SPG7: variants seen among roughly 807,000 people sequenced by gnomAD.
SPG7 encodes the protein mitochondrial inner membrane m-AAA protease component paraplegin.
SPG7 carries 103 observed loss-of-function variants against 81.9 expected under a neutral mutation model. The ratio of observed to expected loss-of-function variants is 1.26; its 90% CI spans 1.07 to 1.48. The LOEUF (loss-of-function observed/expected upper bound fraction) is 1.48. SPG7 is among the 40% of genes most tolerant of loss of function. The pLI, the probability that SPG7 is intolerant of heterozygous loss-of-function variation, is 0.00. For synonymous variants in SPG7, 534 were observed against 444.2 expected (o/e 1.20, Z -2.54); for missense variants, 1,241 against 1,087.3 (o/e 1.14, Z -1.99).
intron 3 of SPG7, chr16:89,517,751 C>T (rs1567900656): frequency 6.6e-6 from 1 of 151,784 alleles, no homozygotes; most frequent in Non-Finnish European, 1.5e-5. Flanking sequence ...TCCCGAGTAA[C>T]TGGGACTAAA....
chr16:89,554,461 C>T, intron 15 of SPG7, 25 bp from the exon 16 acceptor site: 1 of 1,578,168 alleles, frequency 6.3e-7, no homozygotes, highest in East Asian at 2.2e-5. Context: ...AGCCTTGCCC[C>T]TGACACAGTT....
chr16:89,554,030 A>G (rs935741905), intron 15 of SPG7, 70 bp downstream of exon 15: 8 of 1,558,738 alleles, frequency 5.1e-6, no homozygotes, highest in Middle Eastern at 2.3e-4. Flanking sequence ...TCTACCACAC[A>G]AGGGTCGCCC....
intron 3 of SPG7, chr16:89,520,893 T>C (rs1025283780): frequency 7.2e-5 from 11 of 152,194 alleles, no homozygotes; most frequent in African/African-American, 2.7e-4. Context: ...AGAAGTAGGA[T>C]TTTTGAATTA....
chr16:89,532,406 A>G (rs895576530), intron 8 of SPG7, 57 bp from the exon 9 acceptor site: 12 of 1,591,052 alleles, frequency 7.5e-6, no homozygotes, highest in Non-Finnish European at 1.0e-5. Context: ...CGGGTACAGG[A>G]AGAGGCTTTG....
chr16:89,547,370 T>C, intron 11 of SPG7: 1 of 178,726 alleles, frequency 5.6e-6, no homozygotes, highest in Admixed American at 5.4e-5. Flanking sequence ...CTAACTGCCC[T>C]TGGGAGGAGA....
At chr16:89,534,683 T>A (rs1262483254) in intron 9 of SPG7, among the ~76,000 whole-genome samples, 1 of 152,222 alleles carries the variant, frequency 6.6e-6, no homozygotes, top group Admixed American at 6.5e-5. Flanking sequence ...CACCTCTCAT[T>A]GCAAAATCAC....
intron 9 of SPG7, chr16:89,542,066 G>A (rs1320891497): frequency 2.6e-5 from 4 of 152,256 alleles, no homozygotes; most frequent in Non-Finnish European, 5.9e-5. Context: ...TGCCCCGCAG[G>A]GTGGCTGGGC....
intron 9 of SPG7, among the ~76,000 whole-genome samples, chr16:89,534,056 G>A (rs2058381240): frequency 6.6e-6 from 1 of 152,164 alleles, no homozygotes; most frequent in African/African-American, 2.4e-5. Flanking sequence ...TAATCATTCT[G>A]AAGTTCATTG....
At chr16:89,516,967 C>A (rs2152396469) in intron 3 of SPG7, 1 of 152,264 alleles carries the variant, frequency 6.6e-6, no homozygotes, top group East Asian at 1.9e-4. Flanking sequence ...CCTATTTATG[C>A]AGTGGAAGCG....
Position 89,524,238 on chromosome 16 carries a change from T to C in SPG7, c.609T>C (p.Phe203=). Residue 203 remains phenylalanine (F), a synonymous_variant, in exon 4 of 17, where the codon TTT becomes TTC. Coordinates refer to ENST00000645818, the MANE Select transcript of SPG7 (RefSeq NM_003119.4). ...ACCTGCACCCTGGAGCCGTGGTGTT[T>C]GGGCGGCCTGTGAGTGAGGGTGCGG... ...EVYLHPGAVV[F]GRPRLALMYR... The C allele has an allele frequency of 1.2e-6, 2 of 1,610,384 alleles. No homozygotes were observed. Among genetic ancestry groups the C allele is most frequent in the Non-Finnish European group, 1.7e-6 (2 of 1,178,326 alleles).
chr16:89,557,440 C>A lies in SPG7; in HGVS notation c.*347C>A. On this transcript the variant is annotated 3_prime_UTR_variant, in exon 17 of 17. Coordinates refer to ENST00000645818, the MANE Select transcript of SPG7 (RefSeq NM_003119.4). ...CAGAGCATTCAGACTCCAAACAGAC[C>A]CCTGTTCATGCCGACGCTTGCACGA... The A allele has an allele frequency of 2.9e-6, 1 of 338,998 alleles. No individual in the cohort carries two copies. Among genetic ancestry groups the A allele is most frequent in the South Asian group, 2.9e-5 (1 of 34,394 alleles). The allele number at this position is 338,998 out of a possible 1,614,324, so 21.0% of individuals were successfully genotyped here.
chr16:89,553,080 C>T lies in SPG7; in HGVS notation c.1881C>T (p.Cys627=), dbSNP rs2058652002. The T allele has an allele frequency of 6.2e-7, 1 of 1,613,694 alleles. No individual in the cohort carries two copies. Among genetic ancestry groups the T allele is most frequent in the Non-Finnish European group, 8.5e-7 (1 of 1,179,854 alleles). ...AGGAGCAGCTGTTTGAGCGGATGTG[C>T]ATGGCCCTGGGAGGACGGGCCTCGG... The part of the protein sequence containing the change: ...FTKEQLFERM[C]MALGGRASEA... The change falls in exon 14 of 17, where the codon TGC becomes TGT. Residue 627 remains cysteine (C), a synonymous_variant. Transcript: ENST00000645818.
At chr16:89,531,013 C>T in intron 7 of SPG7, 4 of 688,786 alleles carry the variant, frequency 5.8e-6, no homozygotes. Context: ...TTCAGCCAAG[C>T]AGAGGCTGCC....
chr16:89,524,217 G>GGTAGA lies in SPG7; in HGVS notation c.588_589insGTAGA (p.His197ValfsTer14). On this transcript the variant is annotated frameshift_variant, in exon 4 of 17. Transcript: ENST00000645818. LOFTEE classifies it high-confidence loss of function. ...AGAGCGACGTGGTGGAAGTCTACCT[G>GGTAGA]CACCCTGGAGCCGTGGTGTTTGGGC... is the stretch of plus-strand genomic sequence containing the variant. The GGTAGA allele has an allele frequency of 6.2e-7, 1 of 1,612,650 alleles. No homozygotes were observed.
chr16:89,550,199 G>C lies in SPG7; in HGVS notation c.1664-295G>C, dbSNP rs543568746. 6.9e-4 allele frequency: 263 copies of C among 381,078 alleles called. 1 individual carries two copies. Among genetic ancestry groups the C allele is most frequent in the African/African-American group, 4.9e-3 (236 of 47,736 alleles). 23.6% of individuals were successfully genotyped at this position (381,078 alleles called of 1,614,324 possible). On this transcript the variant is annotated intron_variant, in intron 12 of 16. Coordinates refer to ENST00000645818, the MANE Select transcript of SPG7 (RefSeq NM_003119.4). ...TTTTTTGTTTGTTTTTTGAGACGGAGTCTTGCTCTGTCGCCCAGCCTGGAG... is the reference window on the plus strand; with the variant it reads ...TTTTTTGTTTGTTTTTTGAGACGGACTCTTGCTCTGTCGCCCAGCCTGGAG...
At chr16:89,521,969 G>T (rs2058193531) in intron 3 of SPG7, 1 of 152,112 alleles carries the variant, frequency 6.6e-6, no homozygotes, top group Non-Finnish European at 1.5e-5. Context: ...TAGAGTAGCT[G>T]CTGGGAAGTA....
At chr16:89,519,015 G>C (rs2058146049) in intron 3 of SPG7, 1 of 151,982 alleles carries the variant, frequency 6.6e-6, no homozygotes, top group Admixed American at 6.6e-5. Flanking sequence ...ATGGGGTCTG[G>C]CTCTGTCACC....
At chr16:89,547,122 G>A (rs462314) in intron 11 of SPG7, 60,292 of 305,574 alleles carry the variant, frequency 0.2, 6,175 homozygotes, top group Middle Eastern at 0.22. Flanking sequence ...TGACCCTCAC[G>A]GTCTCTGTCA....
At chr16:89,528,010 C>CGA in intron 5 of SPG7, among the ~76,000 whole-genome samples, 1 of 152,196 alleles carries the variant, frequency 6.6e-6, no homozygotes, top group South Asian at 2.1e-4. Flanking sequence ...CTGTGTGTCT[C>CGA]ATGTCTTTGT....
Sources: allele counts gnomAD v4.1 joint callset (sites outside exome capture counted in the v4.1 genomes callset), GRCh38; gene constraint gnomAD v4.1.1; transcripts MANE v1.5; gene names NCBI Gene and HGNC (gene_info 2026-07-23, HGNC 2026-07-21).